ALDH1A2: variants seen among roughly 807,000 people sequenced by gnomAD.
ALDH1A2 encodes the protein aldehyde dehydrogenase 1 family member A2, also known as retinal dehydrogenase 2.
In ALDH1A2, 27 loss-of-function variants were observed where a neutral mutation model predicts 60.3. That is an observed-to-expected ratio of 0.45 (90% CI 0.33 to 0.62). The LOEUF (loss-of-function observed/expected upper bound fraction) is 0.62, where lower values mean the gene tolerates loss of function less well. Ranked by LOEUF, ALDH1A2 falls within the 20% of genes least tolerant of loss-of-function variation. The pLI, the probability that ALDH1A2 is intolerant of heterozygous loss-of-function variation, is 0.02. For synonymous variants in ALDH1A2, 289 were observed against 232.4 expected, an observed-to-expected ratio of 1.24 and a Z score of -2.21; for missense variants, 581 against 643.8, an observed-to-expected ratio of 0.90 and a Z score of 1.06.
intron 7 of ALDH1A2, chr15:57,979,939 C>T: frequency 2.8e-6 from 1 of 354,666 alleles, no homozygotes; most frequent in South Asian, 2.8e-5. Context: ...CTTGTCGGTT[C>T]CCAGCTTGGT....
intron 1 of ALDH1A2, among the ~76,000 whole-genome samples, chr15:58,061,663 C>A (rs895698016): frequency 6.8e-6 from 1 of 146,914 alleles, no homozygotes; most frequent in South Asian, 2.1e-4. Context: ...TGCCACAGAC[C>A]GTTAGAAAAA....
At chr15:58,043,048 G>A (rs1896557109) in intron 1 of ALDH1A2, among the ~76,000 whole-genome samples, 1 of 152,070 alleles carries the variant, frequency 6.6e-6, no homozygotes, top group African/African-American at 2.4e-5. Flanking sequence ...GGAAAAGGAA[G>A]AGGTGAAGTT....
intron 1 of ALDH1A2, among the ~76,000 whole-genome samples, chr15:58,018,970 T>C (rs1237220225): frequency 1.3e-5 from 2 of 152,130 alleles, no homozygotes; most frequent in Non-Finnish European, 2.9e-5. Flanking sequence ...ATTGGGACAA[T>C]TGGTGAAATT....
chr15:58,031,270 T>C (rs1185994432), intron 1 of ALDH1A2, among the ~76,000 whole-genome samples: 2 of 152,180 alleles, frequency 1.3e-5, no homozygotes, highest in East Asian at 1.9e-4. Flanking sequence ...GGTGAAAGGA[T>C]TCCCTATTTA....
chr15:58,042,680 TG>T (rs1410612566), intron 1 of ALDH1A2, among the ~76,000 whole-genome samples: 1 of 151,926 alleles, frequency 6.6e-6, no homozygotes, highest in African/African-American at 2.4e-5. Flanking sequence ...TTGTCTGAAT[TG>T]AAGTTAAGAC....
At chr15:58,027,167 T>C (rs1356479126) in intron 1 of ALDH1A2, among the ~76,000 whole-genome samples, 1 of 152,128 alleles carries the variant, frequency 6.6e-6, no homozygotes, top group Non-Finnish European at 1.5e-5. Context: ...CCCTCTGAGA[T>C]GAAGCTTCCA....
chr15:58,014,891 G>T (rs1895745085), intron 1 of ALDH1A2, among the ~76,000 whole-genome samples: 1 of 152,120 alleles, frequency 6.6e-6, no homozygotes, highest in Non-Finnish European at 1.5e-5. Flanking sequence ...TTAGCAAGTG[G>T]GGTGTAATTT....
intron 7 of ALDH1A2, chr15:57,979,912 A>T: frequency 5.5e-6 from 2 of 361,976 alleles, no homozygotes; most frequent in Non-Finnish European, 1.1e-5. Flanking sequence ...CTGCAGGGAC[A>T]TGGAGGAATT....
intron 7 of ALDH1A2, among the ~76,000 whole-genome samples, chr15:57,982,987 G>C (rs1173026888): frequency 6.6e-6 from 1 of 152,070 alleles, no homozygotes; most frequent in East Asian, 1.9e-4. Context: ...GTATGATTTA[G>C]GTTCTTAGGG....
chr15:58,020,118 G>A (rs1041184515), intron 1 of ALDH1A2, among the ~76,000 whole-genome samples: 2 of 152,072 alleles, frequency 1.3e-5, no homozygotes, highest in South Asian at 4.1e-4. Context: ...TGAGGATAAT[G>A]GCTTCCAGCT....
intron 1 of ALDH1A2, among the ~76,000 whole-genome samples, chr15:58,032,654 TG>T (rs568901747): frequency 1.6e-3 from 239 of 152,164 alleles, no homozygotes; most frequent in African/African-American, 5.5e-3. Context: ...AACTACCATT[TG>T]ATCAAGCAAT....
intron 8 of ALDH1A2, 132 bp from the exon 9 acceptor site, chr15:57,964,201 G>C: frequency 1.1e-6 from 1 of 900,254 alleles, no homozygotes; most frequent in Non-Finnish European, 1.7e-6. Context: ...AATAGCCCTG[G>C]ATTGGGAATG....
chr15:58,049,246 G>A (rs1220701066), intron 1 of ALDH1A2, among the ~76,000 whole-genome samples: 1 of 151,958 alleles, frequency 6.6e-6, no homozygotes. Flanking sequence ...ATCCAGTTGT[G>A]CCTCTATTCC....
chr15:58,051,928 C>CA (rs1249640679), intron 1 of ALDH1A2, among the ~76,000 whole-genome samples: 1 of 152,092 alleles, frequency 6.6e-6, no homozygotes, highest in Non-Finnish European at 1.5e-5. Flanking sequence ...GAAAGCTGCT[C>CA]AAATGGTCTG....
At chr15:57,964,099 G>A (rs1292440430) in intron 8 of ALDH1A2, 30 bp from the exon 9 acceptor site, 10 of 1,612,574 alleles carry the variant, frequency 6.2e-6, no homozygotes, top group South Asian at 3.3e-5. Flanking sequence ...TGTTCTCACC[G>A]CTTTGCCTGG....
At chr15:58,058,146 C>T (rs1418903731) in intron 1 of ALDH1A2, 4 of 1,345,694 alleles carry the variant, frequency 3.0e-6, no homozygotes, top group Non-Finnish European at 3.1e-6. Context: ...TCCATAAATT[C>T]ATACAGGCAT....
chr15:58,016,338 T>G (rs1396687315), intron 1 of ALDH1A2, among the ~76,000 whole-genome samples: 1 of 151,980 alleles, frequency 6.6e-6, no homozygotes, highest in Non-Finnish European at 1.5e-5. Flanking sequence ...GAGACGGGGT[T>G]TCACCTTGTT....
In ALDH1A2 at chr15:58,065,624, G is replaced by A. The variant is rs35068868; in HGVS notation, c.27C>T (p.Pro9=). The A allele has an allele frequency of 1.1e-4, 173 of 1,606,132 alleles. 1 individual carries two copies. The African/African-American group carries it at 2.1e-3, about 19-fold the overall frequency. Reference sequence around the variant, plus strand: ...CGGCGGGGTCGGCCTTCACCTCGCCGGGCATCTCTATCTTGCTGGAAGTCA... The same window carrying A: ...CGGCGGGGTCGGCCTTCACCTCGCCAGGCATCTCTATCTTGCTGGAAGTCA... The part of the protein sequence containing the change: MTSSKIEM[P]GEVKADPAAL... The change falls in exon 1 of 13, where the codon CCC becomes CCT. Residue 9 remains proline (P), a synonymous_variant. Transcript: ENST00000249750.
chr15:58,019,901 G>T (rs1290640127), intron 1 of ALDH1A2, among the ~76,000 whole-genome samples: 1 of 152,124 alleles, frequency 6.6e-6, no homozygotes, highest in African/African-American at 2.4e-5. Flanking sequence ...GTGCCACGGT[G>T]GTTTGCTGCA....
Sources: allele counts gnomAD v4.1 joint callset (sites outside exome capture counted in the v4.1 genomes callset), GRCh38; gene constraint gnomAD v4.1.1; transcripts MANE v1.5; gene names NCBI Gene and HGNC (gene_info 2026-07-23, HGNC 2026-07-21).